SDK1: variants seen among roughly 807,000 people sequenced by gnomAD.
SDK1 encodes sidekick cell adhesion molecule 1.
Under a neutral mutation model 245.5 loss-of-function variants are expected in SDK1, and 157 were observed. That is an observed-to-expected ratio of 0.64 (90% CI 0.56 to 0.73). The LOEUF is 0.73. Among genes scored for constraint, SDK1 ranks in the 30% least tolerant of loss-of-function variants. SDK1 has a pLI of 0.00. For missense variants in SDK1, 3,583 were observed against 3,002.3 expected (o/e 1.19, Z -4.52); for synonymous variants, 1,647 against 1,278.5 (o/e 1.29, Z -6.15).
Position 3,764,496 on chromosome 7 carries a change from A to G in SDK1, c.714-56954A>G, listed in dbSNP as rs190454055. The stretch of plus-strand genomic sequence containing the variant: ...AGCTCAGGAGTTCGAGACCAGCCTG[A>G]CCAACATGGTGAAATCCCGCCTCTA... On this transcript the variant is annotated intron_variant, in intron 4 of 44. Coordinates refer to ENST00000404826, the MANE Select transcript of SDK1 (RefSeq NM_152744.4). 3.1e-3 allele frequency among the ~76,000 whole-genome samples: 471 copies of G among 151,998 alleles called. 5 individuals are homozygous for G. The highest frequency in any genetic ancestry group is 0.011 in the African/African-American group (452 of 41,486).
intron 1 of SDK1, among the ~76,000 whole-genome samples, chr7:3,501,137 A>G (rs939173908): frequency 2.0e-5 from 3 of 152,194 alleles, no homozygotes; most frequent in African/African-American, 7.2e-5. Flanking sequence ...TTGAGCATGC[A>G]GATTAAAGAT....
rs544411709 is a variant in SDK1 at position 4,207,786 on chromosome 7, G to A, written c.5215-313G>A. Among the ~76,000 whole-genome samples the A allele has an allele frequency of 1.9e-3, 287 of 152,280 alleles. 1 individual carries two copies. Among genetic ancestry groups the A allele is most frequent in the African/African-American group, 6.7e-3 (279 of 41,566 alleles). ...GCACATCATCGGCAGCTGAAGGGCAGCTTCCCTTCCGTCCTCACAACTTAT... is the reference window on the plus strand; with the variant it reads ...GCACATCATCGGCAGCTGAAGGGCAACTTCCCTTCCGTCCTCACAACTTAT... On this transcript the variant is annotated intron_variant, in intron 36 of 44. Coordinates refer to ENST00000404826, the MANE Select transcript of SDK1 (RefSeq NM_152744.4).
chr7:3,650,187 G>A (rs1365591352), intron 4 of SDK1, among the ~76,000 whole-genome samples: 1 of 152,132 alleles, frequency 6.6e-6, no homozygotes, highest in Non-Finnish European at 1.5e-5. Flanking sequence ...AGCGCTGGGA[G>A]TACAGGTGTG....
At chr7:3,345,201 C>G (rs1780460575) in intron 1 of SDK1, among the ~76,000 whole-genome samples, 1 of 152,132 alleles carries the variant, frequency 6.6e-6, no homozygotes, top group African/African-American at 2.4e-5. Flanking sequence ...TTTCAGATAA[C>G]TTACGGATTT....
intron 22 of SDK1, among the ~76,000 whole-genome samples, chr7:4,089,393 C>T (rs1380677864): frequency 6.6e-6 from 1 of 152,260 alleles, no homozygotes; most frequent in African/African-American, 2.4e-5. Flanking sequence ...AGATCTGCAT[C>T]TCCGCTGAGG....
chr7:4,110,928 T>C (rs1783298839), intron 23 of SDK1, among the ~76,000 whole-genome samples, 156 bp downstream of exon 23: 1 of 152,182 alleles, frequency 6.6e-6, no homozygotes, highest in Non-Finnish European at 1.5e-5. Flanking sequence ...GCAGGCGGGA[T>C]GCATAGCTTG....
At chr7:3,906,287 T>C (rs1367550202) in intron 5 of SDK1, among the ~76,000 whole-genome samples, 1 of 152,242 alleles carries the variant, frequency 6.6e-6, no homozygotes, top group African/African-American at 2.4e-5. Flanking sequence ...CATTTTTAAC[T>C]TATTTTGTAG....
intron 4 of SDK1, among the ~76,000 whole-genome samples, chr7:3,776,501 G>T (rs534002950): frequency 2.8e-4 from 42 of 152,142 alleles, no homozygotes; most frequent in Non-Finnish European, 4.7e-4. Context: ...CCATTGTTGT[G>T]TAACATTTTC....
At chr7:4,219,432 GGCAAAGGAGAA>G (rs1347260127) in intron 38 of SDK1, among the ~76,000 whole-genome samples, 2 of 152,230 alleles carry the variant, frequency 1.3e-5, no homozygotes. Context: ...CATAGTGGAA[GGCAAAGGAGAA>G]GCAAAGTCAC....
chr7:3,646,690 C>T (rs73039674), intron 4 of SDK1, among the ~76,000 whole-genome samples: 1 of 152,122 alleles, frequency 6.6e-6, no homozygotes, highest in South Asian at 2.1e-4. Context: ...ATACATTGCT[C>T]TAGTCTTTCT....
At chr7:3,439,528 T>A (rs1372430373) in intron 1 of SDK1, among the ~76,000 whole-genome samples, 7 of 152,258 alleles carry the variant, frequency 4.6e-5, no homozygotes, top group South Asian at 4.2e-4. Context: ...AAATCCAGAT[T>A]GCAACATACT....
At chr7:3,437,603 C>G (rs1047035412) in intron 1 of SDK1, among the ~76,000 whole-genome samples, 1 of 151,982 alleles carries the variant, frequency 6.6e-6, no homozygotes, top group African/African-American at 2.4e-5. Context: ...GACCCCTTCT[C>G]TACAAAAAAT....
At chr7:3,657,599 G>GT (rs1207135267) in intron 4 of SDK1, among the ~76,000 whole-genome samples, 2 of 126,810 alleles carry the variant, frequency 1.6e-5, no homozygotes, top group Non-Finnish European at 3.2e-5. Flanking sequence ...TAGGGGACTC[G>GT]GGTTTTTTTC....
rs117324844 is a variant in SDK1 at position 3,731,320 on chromosome 7, C to T, written c.713+89215C>T. 2.5e-4 allele frequency among the ~76,000 whole-genome samples: 38 copies of T among 152,294 alleles called. No homozygotes were observed. In the East Asian group the frequency reaches 7.3e-3, roughly 29 times the overall value. ...ATACAAGTGCTTCTACAAGCTGCTG[C>T]TTATGTCCAGTTTGCTGCTGAACCA... is the stretch of plus-strand genomic sequence containing the variant. On this transcript the variant is annotated intron_variant, in intron 4 of 44. Transcript: ENST00000404826.
At position 3,456,802 on chromosome 7, in the gene SDK1, T is replaced by C. The variant is rs192215265; in HGVS notation, c.298+154918T>C. ...TGTCTCTTGGACATTTTGGCTGTTATGTTAGGAGACTCTTGGTCCTACTTA... is the reference window on the plus strand; with the variant it reads ...TGTCTCTTGGACATTTTGGCTGTTACGTTAGGAGACTCTTGGTCCTACTTA... On this transcript the variant is annotated intron_variant, in intron 1 of 44. Transcript: ENST00000404826. Among the ~76,000 whole-genome samples the C allele has an allele frequency of 2.8e-4, 43 of 152,336 alleles. No individual in the cohort carries two copies. In the East Asian group the frequency reaches 4.6e-3, roughly 16 times the overall value.
chr7:3,438,221 A>G (rs1780086339), intron 1 of SDK1, among the ~76,000 whole-genome samples: 1 of 152,228 alleles, frequency 6.6e-6, no homozygotes, highest in African/African-American at 2.4e-5. Context: ...GTTTGCTGCT[A>G]AGACCTATAT....
At chr7:4,168,812 G>T (rs909091898) in intron 32 of SDK1, among the ~76,000 whole-genome samples, 1 of 152,156 alleles carries the variant, frequency 6.6e-6, no homozygotes, top group Non-Finnish European at 1.5e-5. Flanking sequence ...GTAAGCTTTT[G>T]ATCTGTCTGC....
chr7:3,918,798 C>T lies in SDK1; in HGVS notation c.848-32125C>T, dbSNP rs542659587. Among the ~76,000 whole-genome samples the T allele has an allele frequency of 5.3e-5, 8 of 152,214 alleles. No homozygotes were observed. The East Asian group carries it at 5.8e-4, about 11-fold the overall frequency. ...AATGACGCTGGACCGGCGGTTCTAC[C>T]GAGAGACTTCCTGTCTTAGTTGGCC... On this transcript the variant is annotated intron_variant, in intron 5 of 44. Transcript: ENST00000404826.
intron 22 of SDK1, among the ~76,000 whole-genome samples, chr7:4,088,539 G>C (rs903892296): frequency 6.7e-6 from 1 of 148,636 alleles, no homozygotes; most frequent in Non-Finnish European, 1.5e-5. Context: ...TTCTGATCCT[G>C]ATTTCCTAGG....
Sources: allele counts gnomAD v4.1 joint callset (sites outside exome capture counted in the v4.1 genomes callset), GRCh38; gene constraint gnomAD v4.1.1; transcripts MANE v1.5; gene names NCBI Gene and HGNC (gene_info 2026-07-23, HGNC 2026-07-21).